The following CWF19L2 variants were observed in gnomAD, a reference collection of about 807,000 sequenced individuals.
CWF19L2 encodes CWF19-like protein 2.
Under a neutral mutation model 111.7 loss-of-function variants are expected in CWF19L2, and 98 were observed. That is an observed-to-expected ratio of 0.88 (90% confidence interval 0.75 to 1.04). The LOEUF (loss-of-function observed/expected upper bound fraction) is 1.04. CWF19L2 is among the 50% of genes least tolerant of loss of function. The pLI, the probability that CWF19L2 is intolerant of heterozygous loss-of-function variation, is 0.00. For missense variants in CWF19L2, 1,101 were observed against 1,051.4 expected, an observed-to-expected ratio of 1.05 and a Z score of -0.65; for synonymous variants, 351 against 342.9, an observed-to-expected ratio of 1.02 and a Z score of -0.26.
At chr11:107,402,871 GTGTATA>G (rs1432609625) in intron 10 of CWF19L2, among the ~76,000 whole-genome samples, 856 of 57,096 alleles carry the variant, frequency 0.015, 90 homozygotes, top group Middle Eastern at 0.081. Context: ...AAACTGTGGT[GTGTATA>G]TATATATATA....
intron 13 of CWF19L2, among the ~76,000 whole-genome samples, chr11:107,351,007 T>C (rs1406874460): frequency 6.6e-6 from 1 of 152,182 alleles, no homozygotes; most frequent in Non-Finnish European, 1.5e-5. Flanking sequence ...ATTGGGCCTG[T>C]AGGCCTGCCT....
intron 12 of CWF19L2, among the ~76,000 whole-genome samples, chr11:107,370,656 T>C (rs1860494516): frequency 7.3e-6 from 1 of 137,158 alleles, no homozygotes; most frequent in Admixed American, 7.1e-5. Context: ...GAAGTGGATA[T>C]TTCAGATGCC....
intron 7 of CWF19L2, among the ~76,000 whole-genome samples, chr11:107,429,816 A>G (rs1404057333): frequency 6.6e-6 from 1 of 151,650 alleles, no homozygotes; most frequent in African/African-American, 2.4e-5. Flanking sequence ...CAAAAAAAAA[A>G]AAAAAAACAG....
rs1380392577 is a variant in CWF19L2 at position 107,372,584 on chromosome 11, C to T, written c.1872+17490G>A. On this transcript the variant is annotated intron_variant, in intron 12 of 17. Coordinates refer to ENST00000282251, the MANE Select transcript of CWF19L2 (RefSeq NM_152434.3). ...TCTTTAGCCTAACAGCAACAAAATA[C>T]CATTCAAAATGTTTAAACCTAGGGA... Among the ~76,000 whole-genome samples, 2 of 136,376 alleles carry T rather than the reference C, an allele frequency of 1.5e-5. 1 individual carries two copies. Among genetic ancestry groups the T allele is most frequent in the Non-Finnish European group, 3.1e-5 (2 of 63,918 alleles). 89.5% of individuals were successfully genotyped at this position (136,376 alleles called of 152,430 possible).
intron 14 of CWF19L2, among the ~76,000 whole-genome samples, chr11:107,346,188 T>C (rs1229974153): frequency 6.6e-6 from 1 of 152,178 alleles, no homozygotes; most frequent in Non-Finnish European, 1.5e-5. Context: ...TAACGCTATA[T>C]AGGACTGATT....
At chr11:107,343,924 C>T (rs1303286940) in intron 14 of CWF19L2, among the ~76,000 whole-genome samples, 2 of 152,086 alleles carry the variant, frequency 1.3e-5, no homozygotes, top group Admixed American at 1.3e-4. Context: ...CATTTGGAAA[C>T]ACATCAGACA....
intron 14 of CWF19L2, among the ~76,000 whole-genome samples, chr11:107,339,612 C>T (rs1307745589): frequency 6.0e-5 from 9 of 150,788 alleles, no homozygotes; most frequent in Admixed American, 4.6e-4. Context: ...GCTTATTTGC[C>T]ATCTATTAAT....
At chr11:107,387,435 C>G (rs1298090335) in intron 12 of CWF19L2, among the ~76,000 whole-genome samples, 1 of 147,358 alleles carries the variant, frequency 6.8e-6, no homozygotes, top group Non-Finnish European at 1.5e-5. Flanking sequence ...CATGACACAG[C>G]CTTGCTAAAA....
Position 107,332,889 on chromosome 11 carries a change from A to G in CWF19L2, c.2439+1992T>C, listed in dbSNP as rs1859870295. Among the ~76,000 whole-genome samples the G allele has an allele frequency of 2.6e-5, 4 of 152,064 alleles. 1 individual carries two copies. The highest frequency in any genetic ancestry group is 2.6e-4 in the Admixed American group (4 of 15,260). On this transcript the variant is annotated intron_variant, in intron 16 of 17. Transcript: ENST00000282251. ...GTATTCCCAGCACTTTGGGAGGCGG[A>G]GGCGGGCAGATCACGAGGTCAGGAG... is the stretch of plus-strand genomic sequence containing the variant.
At chr11:107,403,527 C>T in intron 10 of CWF19L2, 1 of 815,388 alleles carries the variant, frequency 1.2e-6, no homozygotes, top group South Asian at 1.3e-5. Context: ...CCCTCCTGCC[C>T]ATTCTCCTTG....
chr11:107,335,197 A>G (rs540488255), intron 15 of CWF19L2, among the ~76,000 whole-genome samples: 27 of 152,298 alleles, frequency 1.8e-4, no homozygotes, highest in Admixed American at 3.3e-4. Flanking sequence ...TACTAACTTG[A>G]GCTCAACTTT....
intron 14 of CWF19L2, 26 bp downstream of exon 14, chr11:107,348,911 T>A: frequency 7.5e-7 from 1 of 1,340,812 alleles, no homozygotes; most frequent in Non-Finnish European, 1.1e-6. Context: ...AGTTTTAAAA[T>A]GATAATGAAC....
chr11:107,436,906 T>C (rs796686163), intron 6 of CWF19L2, among the ~76,000 whole-genome samples: 3 of 152,296 alleles, frequency 2.0e-5, no homozygotes, highest in Admixed American at 6.5e-5. Flanking sequence ...CTTTACATGG[T>C]TGCCAAGAAA....
At chr11:107,411,895 AAAAGATC>A (rs1228042280) in intron 10 of CWF19L2, among the ~76,000 whole-genome samples, 1 of 152,186 alleles carries the variant, frequency 6.6e-6, no homozygotes, top group Non-Finnish European at 1.5e-5. Flanking sequence ...ACGGATTGTC[AAAAGATC>A]AAAATGGCAC....
chr11:107,373,283 A>C (rs146521998), intron 12 of CWF19L2, among the ~76,000 whole-genome samples: 92,183 of 122,610 alleles, frequency 0.75, 38,940 homozygotes, highest in African/African-American at 0.9. Flanking sequence ...CTCAAGGAGG[A>C]CTGCCTGCCT....
chr11:107,413,496 A>T lies in CWF19L2; in HGVS notation c.1617+2713T>A, dbSNP rs191374369. On this transcript the variant is annotated intron_variant, in intron 10 of 17. Coordinates refer to ENST00000282251, the MANE Select transcript of CWF19L2 (RefSeq NM_152434.3). ...AAACAGGGCCATACTGTGGAAGGCT[A>T]TGCTGCAGGAAGATCTGGTACTAAC... Among the ~76,000 whole-genome samples, 544 of 152,322 alleles carry T rather than the reference A, an allele frequency of 3.6e-3. 5 individuals carry two copies. The highest frequency in any genetic ancestry group is 0.023 in the Admixed American group (345 of 15,292).
At chr11:107,402,157 T>C (rs1200814027) in intron 10 of CWF19L2, among the ~76,000 whole-genome samples, 1 of 152,082 alleles carries the variant, frequency 6.6e-6, no homozygotes, top group Non-Finnish European at 1.5e-5. Flanking sequence ...AAAACCCTTC[T>C]AGACATTGGC....
intron 14 of CWF19L2, among the ~76,000 whole-genome samples, chr11:107,343,498 T>G (rs954769948): frequency 3.3e-4 from 50 of 152,178 alleles, no homozygotes; most frequent in African/African-American, 1.1e-3. Flanking sequence ...TATTATTACA[T>G]TTGAAGAGTT....
intron 10 of CWF19L2, among the ~76,000 whole-genome samples, chr11:107,393,904 G>A (rs2134598388): frequency 6.6e-6 from 1 of 152,248 alleles, no homozygotes; most frequent in East Asian, 1.9e-4. Flanking sequence ...GGGAGTAATG[G>A]CTGAAAAAAT....
Sources: allele counts gnomAD v4.1 joint callset (sites outside exome capture counted in the v4.1 genomes callset), GRCh38; gene constraint gnomAD v4.1.1; transcripts MANE v1.5; gene names NCBI Gene and HGNC (gene_info 2026-07-23, HGNC 2026-07-21).